RAPGEF6: variants seen among roughly 807,000 people sequenced by gnomAD.
RAPGEF6 encodes Rap guanine nucleotide exchange factor 6, also known as PDZ domain containing guanine nucleotide exchange factor (GEF) 2.
RAPGEF6 carries 56 observed loss-of-function variants against 171.4 expected under a neutral mutation model. The observed-to-expected ratio is 0.33, with a 90% CI of 0.26 to 0.41. The LOEUF (loss-of-function observed/expected upper bound fraction) is 0.41. RAPGEF6 is among the 10% of genes least tolerant of loss of function. The pLI is 1.00. For synonymous variants in RAPGEF6, 692 were observed against 650.1 expected, an observed-to-expected ratio of 1.06 and a Z score of -0.98; for missense variants, 1,674 against 1,921.4, an observed-to-expected ratio of 0.87 and a Z score of 2.41.
intron 2 of RAPGEF6, among the ~76,000 whole-genome samples, chr5:131,604,099 G>A (rs970804473): frequency 6.6e-6 from 1 of 151,948 alleles, no homozygotes; most frequent in East Asian, 1.9e-4. Flanking sequence ...TTCTCCACAG[G>A]AGCTTAGGCC....
At chr5:131,458,606 A>T (rs1333659654) in intron 19 of RAPGEF6, among the ~76,000 whole-genome samples, 1 of 152,256 alleles carries the variant, frequency 6.6e-6, no homozygotes, top group East Asian at 1.9e-4. Context: ...AATGTCCACT[A>T]AAGTAATCTA....
intron 17 of RAPGEF6, among the ~76,000 whole-genome samples, chr5:131,469,027 C>T (rs961492792): frequency 6.6e-6 from 1 of 152,020 alleles, no homozygotes; most frequent in African/African-American, 2.4e-5. Flanking sequence ...TACGTGAACA[C>T]AAAGATTAGG....
intron 4 of RAPGEF6, among the ~76,000 whole-genome samples, chr5:131,577,605 G>C (rs552622067): frequency 1.5e-4 from 23 of 152,274 alleles, no homozygotes; most frequent in Admixed American, 7.8e-4. Context: ...TGGATGATCA[G>C]TTCTTGTTAA....
chr5:131,602,252 G>GCTCCTAGAT (rs1764302079), intron 3 of RAPGEF6, among the ~76,000 whole-genome samples: 2 of 152,036 alleles, frequency 1.3e-5, no homozygotes, highest in Non-Finnish European at 2.9e-5. Flanking sequence ...TAGGTTATAT[G>GCTCCTAGAT]GTATAGCCTA....
intron 6 of RAPGEF6, among the ~76,000 whole-genome samples, chr5:131,525,450 A>G (rs1184414253): frequency 2.0e-5 from 3 of 152,208 alleles, no homozygotes; most frequent in Non-Finnish European, 2.9e-5. Context: ...GGAAATTAGA[A>G]AATATTAAAA....
intron 24 of RAPGEF6, among the ~76,000 whole-genome samples, chr5:131,435,452 AT>A (rs767833392): frequency 2.0e-5 from 3 of 152,376 alleles, no homozygotes; most frequent in African/African-American, 2.4e-5. Flanking sequence ...TGTTTAAAAA[AT>A]AATTTCATTC....
At chr5:131,434,381 C>G (rs768357664) in intron 24 of RAPGEF6, among the ~76,000 whole-genome samples, 2 of 152,116 alleles carry the variant, frequency 1.3e-5, no homozygotes, top group Admixed American at 6.5e-5. Context: ...GCTGGGACTA[C>G]GGTCTGCACC....
chr5:131,626,993 T>C (rs1297755065), intron 1 of RAPGEF6, among the ~76,000 whole-genome samples: 1 of 152,174 alleles, frequency 6.6e-6, no homozygotes, highest in African/African-American at 2.4e-5. Flanking sequence ...CAAGACTCAA[T>C]GACTCAAGCA....
In RAPGEF6 at chr5:131,579,829, AG is replaced by A. The variant is rs1296197531; in HGVS notation, c.281+12553del. 2.0e-5 allele frequency among the ~76,000 whole-genome samples: 3 copies of A among 152,250 alleles called. No homozygotes were observed. In the East Asian group the frequency reaches 5.8e-4, roughly 29 times the overall value. On this transcript the variant is annotated intron_variant, in intron 4 of 27. Coordinates refer to ENST00000509018, the MANE Select transcript of RAPGEF6 (RefSeq NM_016340.6). ...CATAAAAGTTCTCCACGTCCCCACT[AG>A]ATTAGCTAGATACAGAGTGCTGATT...
chr5:131,598,885 T>C (rs1580651129), intron 3 of RAPGEF6, among the ~76,000 whole-genome samples: 1 of 152,206 alleles, frequency 6.6e-6, no homozygotes, highest in East Asian at 1.9e-4. Flanking sequence ...TGTGTGGAAA[T>C]TGACAAGCTG....
intron 11 of RAPGEF6, among the ~76,000 whole-genome samples, chr5:131,504,330 T>C (rs6596026): frequency 0.78 from 118,372 of 151,816 alleles, 46,479 homozygotes; most frequent in African/African-American, 0.83. Context: ...GGCATGGTGG[T>C]GCATGCCTGT....
At chr5:131,606,029 CAAAAAAAAAAAA>C (rs1168486376) in intron 1 of RAPGEF6, among the ~76,000 whole-genome samples, 3 of 70,556 alleles carry the variant, frequency 4.3e-5, no homozygotes, top group South Asian at 7.4e-4. Context: ...GACTCCATCT[CAAAAAAAAAAAA>C]AAAAAAAAAA....
Position 131,556,178 on chromosome 5 carries a change from G to A in RAPGEF6, c.351+5800C>T, listed in dbSNP as rs1044962620. Among the ~76,000 whole-genome samples the A allele has an allele frequency of 5.3e-5, 8 of 152,172 alleles. No homozygotes were observed. The South Asian group carries it at 6.2e-4, about 12-fold the overall frequency. On this transcript the variant is annotated intron_variant, in intron 5 of 27. Coordinates refer to ENST00000509018, the MANE Select transcript of RAPGEF6 (RefSeq NM_016340.6). ...TAGTAGGCTGGGCTCAGTGGCTCAC[G>A]CCTGTAATCCCAGCACTTCGGGAGG...
chr5:131,567,095 C>A (rs76018264), intron 4 of RAPGEF6, among the ~76,000 whole-genome samples: 679 of 131,306 alleles, frequency 5.2e-3, no homozygotes, highest in South Asian at 7.4e-3. Context: ...ACTCTTGTCT[C>A]AAAAAAAAAA....
At chr5:131,621,885 C>A (rs1561615184) in intron 1 of RAPGEF6, among the ~76,000 whole-genome samples, 1 of 152,076 alleles carries the variant, frequency 6.6e-6, no homozygotes, top group African/African-American at 2.4e-5. Context: ...CTCTTCTCCC[C>A]CAAAGGCCTT....
intron 6 of RAPGEF6, among the ~76,000 whole-genome samples, chr5:131,541,582 C>T (rs1296188337): frequency 6.6e-6 from 1 of 150,994 alleles, no homozygotes; most frequent in African/African-American, 2.4e-5. Flanking sequence ...GTTTCAAACT[C>T]CTGGCTTCAG....
chr5:131,436,835 C>A (rs998453424), intron 24 of RAPGEF6, among the ~76,000 whole-genome samples: 3 of 152,158 alleles, frequency 2.0e-5, no homozygotes, highest in African/African-American at 7.2e-5. Flanking sequence ...TTATAACGTT[C>A]ATTTTCTGAT....
chr5:131,604,842 T>C (rs1580662667), intron 1 of RAPGEF6, 149 bp from the exon 2 acceptor site: 2 of 1,057,072 alleles, frequency 1.9e-6, no homozygotes, highest in Non-Finnish European at 2.6e-6. Context: ...TCATAAAAGA[T>C]TTGAAAAGGC....
At chr5:131,613,614 T>C (rs1765079899) in intron 1 of RAPGEF6, among the ~76,000 whole-genome samples, 1 of 152,126 alleles carries the variant, frequency 6.6e-6, no homozygotes, top group Non-Finnish European at 1.5e-5. Flanking sequence ...GGTAAATGAA[T>C]GGGTGTGACT....
Sources: allele counts gnomAD v4.1 joint callset (sites outside exome capture counted in the v4.1 genomes callset), GRCh38; gene constraint gnomAD v4.1.1; transcripts MANE v1.5; gene names NCBI Gene and HGNC (gene_info 2026-07-23, HGNC 2026-07-21).